Variants in PTPRG observed in about 807,000 individuals in gnomAD.
The protein encoded by PTPRG is protein tyrosine phosphatase receptor type G.
Under a neutral mutation model 165.3 loss-of-function variants are expected in PTPRG, and 102 were observed. The ratio of observed to expected loss-of-function variants is 0.62; its 90% confidence interval spans 0.53 to 0.73. PTPRG has a LOEUF of 0.73. Ranked by LOEUF, PTPRG falls within the 30% of genes least tolerant of loss-of-function variation. The probability of loss-of-function intolerance (pLI) is 0.00; values close to 1 mark genes in which losing one functional copy is unlikely to be tolerated. For missense variants in PTPRG, 1,866 were observed against 1,861.4 expected (o/e 1.00, Z -0.05); for synonymous variants, 675 against 669.5 (o/e 1.01, Z -0.13).
chr3:61,731,413 A>G (rs954695997), intron 1 of PTPRG, among the ~76,000 whole-genome samples: 9 of 150,368 alleles, frequency 6.0e-5, no homozygotes, highest in African/African-American at 2.2e-4. Context: ...CAGTGTCACA[A>G]TCTCTGCTCA....
At chr3:61,672,099 T>G (rs1400996723) in intron 1 of PTPRG, among the ~76,000 whole-genome samples, 4 of 135,476 alleles carry the variant, frequency 3.0e-5, no homozygotes, top group African/African-American at 5.8e-5. Context: ...AGGGCAGAGG[T>G]GCTCCCCACA....
chr3:61,700,867 G>A (rs765892307), intron 1 of PTPRG, among the ~76,000 whole-genome samples: 4 of 152,078 alleles, frequency 2.6e-5, no homozygotes, highest in Non-Finnish European at 5.9e-5. Context: ...GGAAATACAT[G>A]TAAAACATCC....
At chr3:61,868,043 C>A (rs1168871499) in intron 2 of PTPRG, among the ~76,000 whole-genome samples, 2 of 152,184 alleles carry the variant, frequency 1.3e-5, no homozygotes, top group Non-Finnish European at 1.5e-5. Flanking sequence ...TTGGTTCAGT[C>A]TGATACCTGT....
intron 1 of PTPRG, among the ~76,000 whole-genome samples, chr3:61,694,358 C>G (rs1224991876): frequency 6.6e-6 from 1 of 152,148 alleles, no homozygotes; most frequent in African/African-American, 2.4e-5. Context: ...TGAGGTAACA[C>G]TATCTCATGT....
chr3:61,872,044 T>C (rs950500115), intron 2 of PTPRG, among the ~76,000 whole-genome samples: 2 of 152,240 alleles, frequency 1.3e-5, no homozygotes, highest in Admixed American at 6.5e-5. Context: ...ATAACAGAGC[T>C]CTTCTCATAT....
At chr3:61,813,173 G>C (rs959189863) in intron 2 of PTPRG, among the ~76,000 whole-genome samples, 1 of 151,914 alleles carries the variant, frequency 6.6e-6, no homozygotes, top group Non-Finnish European at 1.5e-5. Context: ...TGAGGCTGTA[G>C]AAAGAGTAAG....
intron 5 of PTPRG, among the ~76,000 whole-genome samples, chr3:62,110,790 A>G (rs1702642220): frequency 6.6e-6 from 1 of 152,172 alleles, no homozygotes; most frequent in South Asian, 2.1e-4. Flanking sequence ...CTGCATACAC[A>G]ATACTTGCTG....
chr3:61,792,626 T>C (rs1215609562), intron 2 of PTPRG, among the ~76,000 whole-genome samples: 1 of 152,244 alleles, frequency 6.6e-6, no homozygotes, highest in African/African-American at 2.4e-5. Flanking sequence ...GTCACATTTT[T>C]CTTAGTTCTG....
At chr3:62,088,039 G>A (rs1166420561) in intron 5 of PTPRG, among the ~76,000 whole-genome samples, 2 of 152,202 alleles carry the variant, frequency 1.3e-5, no homozygotes, top group Non-Finnish European at 2.9e-5. Context: ...AGTGAATGGG[G>A]TAAAGATTTG....
intron 1 of PTPRG, among the ~76,000 whole-genome samples, chr3:61,574,017 A>G (rs1440032671): frequency 2.0e-5 from 3 of 151,874 alleles, no homozygotes; most frequent in African/African-American, 7.3e-5. Context: ...GATGGTTGCA[A>G]TGGTAGTAAA....
chr3:61,884,807 G>C (rs1336659313), intron 2 of PTPRG, among the ~76,000 whole-genome samples: 1 of 152,146 alleles, frequency 6.6e-6, no homozygotes, highest in African/African-American at 2.4e-5. Flanking sequence ...CTACATTGTG[G>C]TTCAAGTTTT....
intron 1 of PTPRG, among the ~76,000 whole-genome samples, chr3:61,722,767 G>A (rs2032106152): frequency 1.3e-5 from 2 of 152,144 alleles, no homozygotes; most frequent in African/African-American, 4.8e-5. Context: ...TTTTTAAACT[G>A]CCTTTTAAAA....
At position 62,296,053 on chromosome 3, in the gene PTPRG, C is replaced by T. The variant is rs1446536547; in HGVS notation, c.*2746C>T. On this transcript the variant is annotated 3_prime_UTR_variant, in exon 30 of 30. Transcript: ENST00000474889. ...TAGCTCTAGGTAAGCAAAATGCACA[C>T]ATCATATAAAAATAAATTGCAATGA... 1.3e-5 allele frequency: 2 copies of T among 151,992 alleles called. No homozygotes were observed. Among genetic ancestry groups the T allele is most frequent in the Admixed American group, 6.6e-5 (1 of 15,234 alleles). 9.4% of individuals were successfully genotyped at this position (151,992 alleles called of 1,614,324 possible). A position where few individuals can be genotyped will look rare whatever the true frequency, so the allele number is the denominator to read the frequency against.
At chr3:62,258,249 T>C (rs1701594137) in intron 16 of PTPRG, among the ~76,000 whole-genome samples, 1 of 152,130 alleles carries the variant, frequency 6.6e-6, no homozygotes, top group Admixed American at 6.5e-5. Context: ...GAAATACAAC[T>C]GAAAAGTTAA....
chr3:61,706,848 G>GA (rs767198028), intron 1 of PTPRG, among the ~76,000 whole-genome samples: 352 of 152,038 alleles, frequency 2.3e-3, no homozygotes, highest in Non-Finnish European at 4.0e-3. Flanking sequence ...ATTGAAGTTT[G>GA]AAAAAACTTA....
At chr3:61,746,825 T>C (rs2033225641) in intron 1 of PTPRG, among the ~76,000 whole-genome samples, 1 of 152,194 alleles carries the variant, frequency 6.6e-6, no homozygotes, top group African/African-American at 2.4e-5. Flanking sequence ...AAACAGATCC[T>C]CTACAGCAAA....
chr3:62,090,704 C>T (rs540144058), intron 5 of PTPRG, among the ~76,000 whole-genome samples: 4 of 152,268 alleles, frequency 2.6e-5, no homozygotes, highest in East Asian at 1.9e-4. Context: ...CATGTGTCAG[C>T]GCCTCTGATA....
intron 1 of PTPRG, among the ~76,000 whole-genome samples, chr3:61,570,292 A>G (rs1384024398): frequency 6.6e-6 from 1 of 151,718 alleles, no homozygotes; most frequent in Non-Finnish European, 1.5e-5. Context: ...AATCAGCATG[A>G]TATTTTTCTG....
At chr3:61,718,057 C>T (rs1304968358) in intron 1 of PTPRG, among the ~76,000 whole-genome samples, 1 of 151,900 alleles carries the variant, frequency 6.6e-6, no homozygotes, top group Non-Finnish European at 1.5e-5. Flanking sequence ...GTGCGGGCAC[C>T]TGTAGTCCCA....
Sources: gnomAD v4.1 joint callset for allele counts (sites outside exome capture counted in the v4.1 genomes callset) on GRCh38, gnomAD v4.1.1 for gene constraint, MANE v1.5 for transcripts, NCBI Gene and HGNC (gene_info 2026-07-23, HGNC 2026-07-21) for gene names.